LCORL: variants seen among roughly 807,000 people sequenced by gnomAD.
LCORL encodes the protein ligand-dependent nuclear receptor corepressor-like protein.
In LCORL, 41 loss-of-function variants were observed where a neutral mutation model predicts 141.8. The observed-to-expected ratio is 0.29, with a 90% confidence interval of 0.23 to 0.38. The LOEUF is 0.38. Among genes scored for constraint, LCORL ranks in the 10% least tolerant of loss-of-function variants. LCORL has a pLI of 1.00. For missense variants in LCORL, 1,759 were observed against 2,035.0 expected (o/e 0.86, Z 2.61); for synonymous variants, 618 against 694.1 (o/e 0.89, Z 1.72).
chr4:17,948,755 T>C (rs1469128799), intron 4 of LCORL, among the ~76,000 whole-genome samples: 2 of 151,906 alleles, frequency 1.3e-5, no homozygotes, highest in Admixed American at 6.6e-5. Context: ...CCTGACTTAT[T>C]ATACCTTCCT....
At chr4:17,937,680 G>A (rs982856831) in intron 4 of LCORL, among the ~76,000 whole-genome samples, 1 of 152,056 alleles carries the variant, frequency 6.6e-6, no homozygotes, top group African/African-American at 2.4e-5. Context: ...ACAGCAGCAT[G>A]CACCCTTGCC....
At chr4:17,995,533 C>T (rs1720781456) in intron 1 of LCORL, among the ~76,000 whole-genome samples, 1 of 152,026 alleles carries the variant, frequency 6.6e-6, no homozygotes, top group South Asian at 2.1e-4. Context: ...AGAGAAAAAT[C>T]CAAAGAACAC....
intron 1 of LCORL, among the ~76,000 whole-genome samples, chr4:17,982,132 GTGTGTGTGTGTGTA>G (rs1718108362): frequency 1.3e-5 from 2 of 149,394 alleles, no homozygotes; most frequent in African/African-American, 4.9e-5. Context: ...GTGTGTGTGT[GTGTGTGTGTGTGTA>G]TACAAGATAT....
In LCORL at chr4:17,881,215, AGG is replaced by A. The variant is rs1052135488; in HGVS notation, c.777-3004_777-3003del. 3 of 982,268 alleles carry A rather than the reference AGG, an allele frequency of 3.1e-6. No individual in the cohort carries two copies. In the African/African-American group the frequency reaches 5.3e-5, roughly 17 times the overall value. 60.8% of individuals were successfully genotyped at this position (982,268 alleles called of 1,614,324 possible). A position where few individuals can be genotyped will look rare whatever the true frequency, so the allele number is the denominator to read the frequency against. ...CATTCAAATAAGTAGAAAGCACATA[AGG>A]GTTGCTTTCACCTTCATTAAGTCTG... On this transcript the variant is annotated intron_variant, in intron 6 of 7. Transcript: ENST00000635767.
chr4:17,988,344 T>C (rs1002124587), intron 1 of LCORL, among the ~76,000 whole-genome samples: 1 of 152,164 alleles, frequency 6.6e-6, no homozygotes, highest in Non-Finnish European at 1.5e-5. Flanking sequence ...GGCACTATCA[T>C]AGCTCACTGC....
intron 2 of LCORL, among the ~76,000 whole-genome samples, chr4:17,972,013 T>A (rs1383917483): frequency 6.6e-6 from 1 of 151,772 alleles, no homozygotes; most frequent in Non-Finnish European, 1.5e-5. Context: ...AATATTAGCA[T>A]CATTGCTACA....
At chr4:17,866,676 C>G (rs1725700821) in intron 7 of LCORL, among the ~76,000 whole-genome samples, 1 of 151,938 alleles carries the variant, frequency 6.6e-6, no homozygotes, top group African/African-American at 2.4e-5. Flanking sequence ...TGAAATCATT[C>G]AGACACCTAC....
At chr4:17,999,270 G>A (rs113214641) in intron 1 of LCORL, among the ~76,000 whole-genome samples, 2,186 of 151,504 alleles carry the variant, frequency 0.014, 69 homozygotes, top group East Asian at 0.13. Flanking sequence ...TGGTGAACAC[G>A]GTGAAACCCC....
At chr4:17,969,391 T>C (rs949466921) in intron 2 of LCORL, among the ~76,000 whole-genome samples, 4 of 152,168 alleles carry the variant, frequency 2.6e-5, no homozygotes, top group African/African-American at 9.6e-5. Flanking sequence ...AATCTGGAGG[T>C]GGTTGCGAAT....
intron 1 of LCORL, among the ~76,000 whole-genome samples, chr4:18,005,153 A>G (rs1722593948): frequency 6.6e-6 from 1 of 152,136 alleles, no homozygotes; most frequent in Non-Finnish European, 1.5e-5. Context: ...TCCTGACCTC[A>G]GGCGATCCAC....
intron 4 of LCORL, among the ~76,000 whole-genome samples, chr4:17,937,003 T>C (rs560560367): frequency 6.6e-6 from 1 of 152,210 alleles, no homozygotes; most frequent in Non-Finnish European, 1.5e-5. Flanking sequence ...ATGCATTACA[T>C]ACATTTTATA....
At chr4:17,915,130 TC>T (rs1733194524) in intron 4 of LCORL, among the ~76,000 whole-genome samples, 1 of 152,084 alleles carries the variant, frequency 6.6e-6, no homozygotes, top group South Asian at 2.1e-4. Context: ...TATCTCCTTC[TC>T]CCCTTCATTT....
intron 2 of LCORL, 30 bp downstream of exon 2, chr4:17,972,790 A>T: frequency 1.7e-6 from 2 of 1,205,096 alleles, no homozygotes; most frequent in Non-Finnish European, 2.2e-6. Context: ...ATGGGAAATG[A>T]CAACTTTTAA....
chr4:17,916,103 C>T (rs1457676797), intron 4 of LCORL, among the ~76,000 whole-genome samples: 11 of 152,184 alleles, frequency 7.2e-5, no homozygotes, highest in Non-Finnish European at 1.5e-5. Flanking sequence ...AACTGAAACT[C>T]ACCAGATGAT....
At chr4:17,857,389 A>C (rs1724487577) in intron 7 of LCORL, among the ~76,000 whole-genome samples, 1 of 152,194 alleles carries the variant, frequency 6.6e-6, no homozygotes, top group Non-Finnish European at 1.5e-5. Flanking sequence ...AATGAAAAGA[A>C]CCAGGTAATA....
intron 4 of LCORL, among the ~76,000 whole-genome samples, chr4:17,910,494 T>C (rs139737021): frequency 2.0e-5 from 3 of 152,318 alleles, no homozygotes; most frequent in African/African-American, 4.8e-5. Context: ...GTTATATGAA[T>C]AGGCTTTCTC....
At chr4:17,980,173 T>C (rs183884351) in intron 1 of LCORL, among the ~76,000 whole-genome samples, 1 of 152,294 alleles carries the variant, frequency 6.6e-6, no homozygotes, top group Admixed American at 6.5e-5. Flanking sequence ...TGGTATTCGT[T>C]ACAACACTAA....
exon 8 of LCORL, chr4:17,845,665 T>G (rs1243918618): frequency 7.9e-7 from 1 of 1,264,498 alleles, no homozygotes; most frequent in African/African-American, 1.5e-5. Flanking sequence ...TAAATGCTTA[T>G]TGTTCAGAAG....
chr4:17,843,989 A>C (rs375239069), exon 8 of LCORL: 10 of 152,108 alleles, frequency 6.6e-5, no homozygotes, highest in African/African-American at 2.4e-4. Context: ...ATTTTTGGTG[A>C]TATCTGCCTG....
Sources: gnomAD v4.1 joint callset for allele counts (sites outside exome capture counted in the v4.1 genomes callset) on GRCh38, gnomAD v4.1.1 for gene constraint, MANE v1.5 for transcripts, NCBI Gene and HGNC (gene_info 2026-07-23, HGNC 2026-07-21) for gene names.